IL19: variants seen among roughly 807,000 people sequenced by gnomAD.
The protein encoded by IL19 is interleukin 19.
In IL19, 15 loss-of-function variants were observed where a neutral mutation model predicts 19.5. The observed-to-expected ratio is 0.77, with a 90% CI of 0.52 to 1.19. IL19 has a LOEUF of 1.19. Among genes scored for constraint, IL19 ranks in the 50% most tolerant of loss-of-function variants. IL19 has a pLI of 0.00. For missense variants in IL19, 199 were observed against 213.1 expected (o/e 0.93, Z 0.41); for synonymous variants, 78 against 78.3 (o/e 1.00, Z 0.02).
Position 206,842,633 on chromosome 1 carries a change from C to G in IL19, c.*11C>G. The G allele has an allele frequency of 6.8e-7, 1 of 1,473,294 alleles. No individual in the cohort carries two copies. The highest frequency in any genetic ancestry group is 1.4e-5 in the African/African-American group (1 of 71,834). The allele number at this position is 1,473,294 out of a possible 1,614,324, so 91.3% of individuals were successfully genotyped here. On this transcript the variant is annotated 3_prime_UTR_variant, in exon 7 of 7. Transcript: ENST00000659997. ...ATGTTCTCAGCTTGATGACAAGGAA[C>G]CTGTATAGTGATCCAGGGATGAACA...
In IL19 at chr1:206,841,115, G is replaced by A. The variant is rs368040110; in HGVS notation, c.438+37G>A. The A allele has an allele frequency of 5.1e-6, 8 of 1,562,152 alleles. No homozygotes were observed. In the South Asian group the frequency reaches 5.6e-5, roughly 11 times the overall value. The stretch of plus-strand genomic sequence containing the variant: ...GAAGAGGTTGGGGAAGATGGAAGAT[G>A]AGAGGTAGATCAGGAGGGTGCCAGG... On this transcript the variant is annotated intron_variant, in intron 6 of 6. Transcript: ENST00000659997.
chr1:206,820,220 TA>T (rs1463973647), intron 2 of IL19, among the ~76,000 whole-genome samples: 1 of 152,168 alleles, frequency 6.6e-6, no homozygotes, highest in African/African-American at 2.4e-5. Flanking sequence ...GAGTGATCGA[TA>T]AAAATCATTG....
At chr1:206,809,315 C>T (rs1470086731) in intron 2 of IL19, among the ~76,000 whole-genome samples, 1 of 152,186 alleles carries the variant, frequency 6.6e-6, no homozygotes, top group African/African-American at 2.4e-5. Context: ...GAGATCTCCA[C>T]ATGTGATAGG....
chr1:206,823,919 C>T (rs1256526711), intron 2 of IL19, among the ~76,000 whole-genome samples: 1 of 152,150 alleles, frequency 6.6e-6, no homozygotes, highest in Non-Finnish European at 1.5e-5. Flanking sequence ...GGGGTGGAGG[C>T]CCTGCTTCCC....
intron 1 of IL19, among the ~76,000 whole-genome samples, chr1:206,794,920 C>A (rs1050112085): frequency 2.0e-5 from 3 of 152,170 alleles, no homozygotes; most frequent in Non-Finnish European, 4.4e-5. Context: ...ATATTGGAAT[C>A]TCAGGGAAAA....
chr1:206,820,943 G>A (rs898974204), intron 2 of IL19, among the ~76,000 whole-genome samples: 8 of 152,170 alleles, frequency 5.3e-5, no homozygotes, highest in Non-Finnish European at 1.2e-4. Flanking sequence ...CAGCCAAGGT[G>A]TCACCTCTAC....
intron 2 of IL19, among the ~76,000 whole-genome samples, chr1:206,809,732 G>A (rs1301317580): frequency 1.3e-5 from 2 of 152,180 alleles, no homozygotes; most frequent in Non-Finnish European, 2.9e-5. Flanking sequence ...CTTCAAACAA[G>A]AAATATAGTA....
Position 206,798,903 on chromosome 1 carries a change from T to G in IL19, c.-106T>G. ...CTGACAGGAGTCCAAGAATGTGCAC[T>G]GAGGGAGCGTTTCCGCACAGATCTG... On this transcript the variant is annotated 5_prime_UTR_variant, in exon 2 of 7. Transcript: ENST00000659997. 6.2e-7 allele frequency: 1 copy of G among 1,612,394 alleles called. No individual in the cohort carries two copies. The highest frequency in any genetic ancestry group is 8.5e-7 in the Non-Finnish European group (1 of 1,179,394).
At chr1:206,838,896 C>T (rs577005832) in intron 4 of IL19, among the ~76,000 whole-genome samples, 166 of 151,992 alleles carry the variant, frequency 1.1e-3, no homozygotes, top group African/African-American at 3.6e-3. Context: ...AGGGGTGTAA[C>T]ATTTTGCCCT....
At chr1:206,807,439 CA>C (rs1322071661) in intron 2 of IL19, among the ~76,000 whole-genome samples, 2 of 152,196 alleles carry the variant, frequency 1.3e-5, no homozygotes, top group Non-Finnish European at 2.9e-5. Flanking sequence ...TTGCTGTGCA[CA>C]TGCTAAGCTC....
At chr1:206,783,978 T>C (rs549116133) in intron 1 of IL19, among the ~76,000 whole-genome samples, 3 of 152,354 alleles carry the variant, frequency 2.0e-5, no homozygotes, top group Admixed American at 2.0e-4. Context: ...GGTTGATGTT[T>C]TTCCTTGGGA....
chr1:206,779,666 C>T (rs955423972), intron 1 of IL19, among the ~76,000 whole-genome samples: 5 of 152,168 alleles, frequency 3.3e-5, no homozygotes, highest in African/African-American at 1.2e-4. Flanking sequence ...CCATGGCTTC[C>T]CACTTTCCCT....
At chr1:206,789,873 C>T (rs933292582) in intron 1 of IL19, among the ~76,000 whole-genome samples, 4 of 152,180 alleles carry the variant, frequency 2.6e-5, no homozygotes, top group Non-Finnish European at 5.9e-5. Flanking sequence ...TAATGGCCTT[C>T]AGCTCCTTTC....
intron 1 of IL19, among the ~76,000 whole-genome samples, chr1:206,795,134 G>A (rs1675493488): frequency 6.6e-6 from 1 of 152,160 alleles, no homozygotes; most frequent in African/African-American, 2.4e-5. Flanking sequence ...CCAGACACAA[G>A]GGCCAGCTGG....
intron 1 of IL19, among the ~76,000 whole-genome samples, chr1:206,794,321 C>A (rs1256500088): frequency 6.6e-6 from 1 of 152,146 alleles, no homozygotes; most frequent in Non-Finnish European, 1.5e-5. Flanking sequence ...GCACTCAATG[C>A]GTGGTGGTTT....
intron 2 of IL19, among the ~76,000 whole-genome samples, chr1:206,813,753 T>C (rs1272940850): frequency 6.6e-6 from 1 of 152,216 alleles, no homozygotes; most frequent in East Asian, 1.9e-4. Flanking sequence ...AGTACCTAGT[T>C]ATTTAATTAA....
chr1:206,839,193 G>C (rs1354841612), intron 4 of IL19, among the ~76,000 whole-genome samples: 1 of 152,224 alleles, frequency 6.6e-6, no homozygotes, highest in Non-Finnish European at 1.5e-5. Context: ...GCACTCTGCA[G>C]GCTGCAGACC....
chr1:206,780,999 G>T (rs1174370176), intron 1 of IL19, among the ~76,000 whole-genome samples: 1 of 152,128 alleles, frequency 6.6e-6, no homozygotes, highest in African/African-American at 2.4e-5. Context: ...TTTTGTCTTA[G>T]GGGAAGATTT....
intron 1 of IL19, among the ~76,000 whole-genome samples, chr1:206,785,160 C>T (rs576554053): frequency 6.6e-6 from 1 of 152,264 alleles, no homozygotes; most frequent in South Asian, 2.1e-4. Flanking sequence ...TGGATGAATA[C>T]TCGGGTCATG....
Sources: gnomAD v4.1 joint callset for allele counts (sites outside exome capture counted in the v4.1 genomes callset) on GRCh38, gnomAD v4.1.1 for gene constraint, MANE v1.5 for transcripts, NCBI Gene and HGNC (gene_info 2026-07-23, HGNC 2026-07-21) for gene names.